The following COG5 variants were observed in gnomAD, a reference collection of about 807,000 sequenced individuals.
The protein encoded by COG5 is conserved oligomeric Golgi complex subunit 5.
A neutral mutation model predicts 110.4 loss-of-function variants in COG5; 86 were observed. That is an observed-to-expected ratio of 0.78 (90% CI 0.65 to 0.93). The LOEUF (loss-of-function observed/expected upper bound fraction) is 0.93, where lower values mean the gene tolerates loss of function less well. Among genes scored for constraint, COG5 ranks in the 40% least tolerant of loss-of-function variants. COG5 has a pLI of 0.00. For synonymous variants in COG5, 360 were observed against 334.6 expected (o/e 1.08, Z -0.83); for missense variants, 1,077 against 987.0 (o/e 1.09, Z -1.22).
rs1286511644 is a variant in COG5 at position 107,299,855 on chromosome 7, A to C, written c.1109-1509T>G. Among the ~76,000 whole-genome samples the C allele has an allele frequency of 4.5e-4, 61 of 136,736 alleles. 1 individual carries two copies. In the South Asian group the frequency reaches 0.013, roughly 30 times the overall value. 89.7% of individuals were successfully genotyped at this position (136,736 alleles called of 152,430 possible). On this transcript the variant is annotated intron_variant, in intron 11 of 21. Transcript: ENST00000297135. ...TATATATATATATATATATATATAT[A>C]TATCTGGAATTATCTGGAATATATA...
chr7:107,381,970 G>C (rs1815161814), intron 7 of COG5, among the ~76,000 whole-genome samples: 1 of 152,124 alleles, frequency 6.6e-6, no homozygotes, highest in African/African-American at 2.4e-5. Flanking sequence ...CAATATAGTT[G>C]TTTGCATCAG....
chr7:107,438,491 T>C (rs973005656), intron 6 of COG5, among the ~76,000 whole-genome samples: 4 of 152,206 alleles, frequency 2.6e-5, no homozygotes, highest in African/African-American at 4.8e-5. Context: ...TTCGTTGAGG[T>C]TTCTCCTGAG....
At chr7:107,334,874 C>A (rs1028911812) in intron 10 of COG5, among the ~76,000 whole-genome samples, 1 of 151,928 alleles carries the variant, frequency 6.6e-6, no homozygotes, top group Non-Finnish European at 1.5e-5. Flanking sequence ...AACCAGAATA[C>A]TCTAATACTG....
chr7:107,249,509 T>C (rs188353503), intron 16 of COG5, among the ~76,000 whole-genome samples: 1 of 152,048 alleles, frequency 6.6e-6, no homozygotes, highest in Non-Finnish European at 1.5e-5. Flanking sequence ...TCAAAACACG[T>C]AAAATCAAAA....
chr7:107,230,764 C>T, intron 18 of COG5, 73 bp from the exon 19 acceptor site: 1 of 1,194,772 alleles, frequency 8.4e-7, no homozygotes, highest in Non-Finnish European at 1.2e-6. Flanking sequence ...ACCCGGATCA[C>T]AGAAAGTTGT....
At chr7:107,483,768 C>A (rs561623576) in intron 6 of COG5, among the ~76,000 whole-genome samples, 2 of 151,482 alleles carry the variant, frequency 1.3e-5, no homozygotes, top group African/African-American at 4.8e-5. Context: ...AATATGGCCA[C>A]GTTATAGAAA....
At chr7:107,245,117 T>G (rs1482197316) in intron 17 of COG5, among the ~76,000 whole-genome samples, 3 of 152,188 alleles carry the variant, frequency 2.0e-5, no homozygotes, top group Non-Finnish European at 4.4e-5. Flanking sequence ...AAAAACCACA[T>G]GATTATCTCA....
chr7:107,381,957 T>C (rs1642976749), intron 7 of COG5, among the ~76,000 whole-genome samples: 1 of 152,248 alleles, frequency 6.6e-6, no homozygotes, highest in Non-Finnish European at 1.5e-5. Context: ...AGTATTCTTA[T>C]GGCAATATAG....
chr7:107,522,319 T>C (rs1348611094), intron 6 of COG5, among the ~76,000 whole-genome samples: 1 of 152,074 alleles, frequency 6.6e-6, no homozygotes, highest in Non-Finnish European at 1.5e-5. Context: ...AAATACAAAA[T>C]TAGCCAGGCG....
At chr7:107,243,231 C>T (rs1279469861) in intron 17 of COG5, among the ~76,000 whole-genome samples, 3 of 152,050 alleles carry the variant, frequency 2.0e-5, no homozygotes, top group African/African-American at 7.2e-5. Context: ...AAAGAAGTCT[C>T]GGCCTGGGGC....
At chr7:107,331,533 T>C (rs1047279934) in intron 10 of COG5, among the ~76,000 whole-genome samples, 2 of 152,050 alleles carry the variant, frequency 1.3e-5, no homozygotes, top group African/African-American at 4.8e-5. Flanking sequence ...CGGGGTGTTA[T>C]CAAGTCTACA....
rs1220806943 is a variant in COG5 at position 107,558,722 on chromosome 7, T to G, written c.95-607A>C. Among the ~76,000 whole-genome samples the G allele has an allele frequency of 4.0e-5, 6 of 150,060 alleles. No homozygotes were observed. In the East Asian group the frequency reaches 5.9e-4, roughly 15 times the overall value. On this transcript the variant is annotated intron_variant, in intron 1 of 21. Transcript: ENST00000297135. ...TAGCACAGTGAAACCCCGTCTCTAC[T>G]AAAAATATAAAAAAAATTAGCCGGG...
chr7:107,487,078 A>ATC (rs1797697616), intron 6 of COG5, among the ~76,000 whole-genome samples: 4 of 152,222 alleles, frequency 2.6e-5, no homozygotes, highest in African/African-American at 9.6e-5. Context: ...TAAGTAAAAT[A>ATC]TTAACAAGTA....
intron 6 of COG5, among the ~76,000 whole-genome samples, chr7:107,499,932 G>C (rs1037177356): frequency 6.6e-6 from 1 of 151,902 alleles, no homozygotes; most frequent in Admixed American, 6.6e-5. Flanking sequence ...CAGATGAGTC[G>C]CATGTCCACG....
At chr7:107,421,110 C>A (rs1793257353) in intron 6 of COG5, among the ~76,000 whole-genome samples, 1 of 152,158 alleles carries the variant, frequency 6.6e-6, no homozygotes, top group South Asian at 2.1e-4. Flanking sequence ...CTTCTGGGCA[C>A]CATTTTTCCT....
At chr7:107,206,533 CAT>C (rs921709272) in intron 21 of COG5, among the ~76,000 whole-genome samples, 4 of 152,340 alleles carry the variant, frequency 2.6e-5, no homozygotes, top group Middle Eastern at 3.4e-3. Context: ...CCTACAGAAT[CAT>C]ATACAGTAAA....
intron 10 of COG5, among the ~76,000 whole-genome samples, chr7:107,331,750 A>C (rs1040818886): frequency 5.3e-5 from 8 of 152,082 alleles, no homozygotes; most frequent in Non-Finnish European, 7.4e-5. Context: ...TTTAAGAAGA[A>C]GCAGCAGGTG....
At chr7:107,542,563 G>T (rs1368870275) in intron 5 of COG5, among the ~76,000 whole-genome samples, 1 of 152,136 alleles carries the variant, frequency 6.6e-6, no homozygotes, top group Non-Finnish European at 1.5e-5. Context: ...ACATATATTT[G>T]TAAAAAAGTT....
chr7:107,563,629 G>C (rs2129184095), intron 1 of COG5, 174 bp downstream of exon 1: 1 of 725,502 alleles, frequency 1.4e-6, no homozygotes, highest in African/African-American at 1.7e-5. Flanking sequence ...GCCAGTCCCA[G>C]AGTAAATAGG....
Sources: gnomAD v4.1 joint callset for allele counts (sites outside exome capture counted in the v4.1 genomes callset) on GRCh38, gnomAD v4.1.1 for gene constraint, MANE v1.5 for transcripts, NCBI Gene and HGNC (gene_info 2026-07-23, HGNC 2026-07-21) for gene names.